Variants in NIPAL2 observed in about 807,000 individuals in gnomAD.
The protein encoded by NIPAL2 is NIPA-like protein 2.
Under a neutral mutation model 48.9 loss-of-function variants are expected in NIPAL2, and 43 were observed. The observed-to-expected ratio is 0.88, with a 90% CI of 0.69 to 1.13. The LOEUF (loss-of-function observed/expected upper bound fraction) is 1.13, where lower values mean the gene tolerates loss of function less well. Ranked by LOEUF, NIPAL2 falls within the 50% of genes most tolerant of loss-of-function variation. The pLI is 0.00. For synonymous variants in NIPAL2, 167 were observed against 174.6 expected, an observed-to-expected ratio of 0.96 and a Z score of 0.34; for missense variants, 446 against 461.4, an observed-to-expected ratio of 0.97 and a Z score of 0.31.
Position 98,272,654 on chromosome 8 carries a change from G to A in NIPAL2, c.136-18567C>T, listed in dbSNP as rs555001652. On this transcript the variant is annotated intron_variant, in intron 1 of 10. Coordinates refer to ENST00000430223, the MANE Select transcript of NIPAL2 (RefSeq NM_001321635.2). ...TTTTGAGACAGAGTCTCACTCTGTC[G>A]CCCAGGTTGGAGTGCAGTGGCACAA... Among the ~76,000 whole-genome samples the A allele has an allele frequency of 1.5e-4, 22 of 147,062 alleles. 1 individual carries two copies. In the Middle Eastern group the frequency reaches 0.017, roughly 117 times the overall value.
intron 1 of NIPAL2, among the ~76,000 whole-genome samples, chr8:98,293,089 A>T (rs1378586030): frequency 6.6e-6 from 1 of 152,246 alleles, no homozygotes; most frequent in Non-Finnish European, 1.5e-5. Flanking sequence ...CTTCAGGCAT[A>T]AAAGGAATCC....
In NIPAL2 at chr8:98,294,091, G is replaced by C; in HGVS notation, c.47C>G (p.Ala16Gly). The C allele has an allele frequency of 6.7e-7, 1 of 1,490,446 alleles. No homozygotes were observed. Among genetic ancestry groups the C allele is most frequent in the South Asian group, 1.3e-5 (1 of 78,154 alleles). 92.3% of individuals were successfully genotyped at this position (1,490,446 alleles called of 1,614,324 possible). The change falls in exon 1 of 11, where the codon GCC (alanine) becomes GGC (glycine). Residue 16 changes from alanine to glycine, a missense_variant. Transcript: ENST00000430223. ...PAGPGDSASA[A>G]LDELSLNFTY... ...GAAATTCAGTGACAGCTCGTCCAGGGCGGCCGAGGCGGAGTCCCCGGGGCC... is the reference window on the plus strand; with the variant it reads ...GAAATTCAGTGACAGCTCGTCCAGGCCGGCCGAGGCGGAGTCCCCGGGGCC...
chr8:98,254,711 A>G (rs886485544), intron 1 of NIPAL2, among the ~76,000 whole-genome samples: 17 of 152,258 alleles, frequency 1.1e-4, no homozygotes, highest in Admixed American at 2.0e-4. Context: ...ATAAACTGCT[A>G]TACCAGCTCA....
rs576913832 is a variant in NIPAL2 at position 98,260,594 on chromosome 8, G to A, written c.136-6507C>T. On this transcript the variant is annotated intron_variant, in intron 1 of 10. Transcript: ENST00000430223. ...ACGGGCTTAAAAAACGGCGCACCAC[G>A]AGATTATATCCTGCACCTGGCTCGG... Among the ~76,000 whole-genome samples, 984 of 152,304 alleles carry A rather than the reference G, an allele frequency of 6.5e-3. 13 individuals carry two copies. Among genetic ancestry groups the A allele is most frequent in the African/African-American group, 0.022 (917 of 41,546 alleles).
chr8:98,221,328 T>A (rs1326547750), intron 5 of NIPAL2, among the ~76,000 whole-genome samples: 2 of 151,400 alleles, frequency 1.3e-5, no homozygotes, highest in Admixed American at 6.6e-5. Context: ...TGTGTGCTCC[T>A]CTCAGACAGT....
chr8:98,284,440 AC>A (rs2015373894), intron 1 of NIPAL2, among the ~76,000 whole-genome samples: 1 of 151,778 alleles, frequency 6.6e-6, no homozygotes, highest in Non-Finnish European at 1.5e-5. Flanking sequence ...ACACACACAC[AC>A]ATACACACAC....
At chr8:98,251,765 C>T (rs1341882220) in intron 3 of NIPAL2, 4 of 152,174 alleles carry the variant, frequency 2.6e-5, no homozygotes, top group Non-Finnish European at 4.4e-5. Context: ...CAATTTGTTT[C>T]TCTTTCAATG....
At chr8:98,279,427 T>C (rs1209476822) in intron 1 of NIPAL2, among the ~76,000 whole-genome samples, 1 of 152,238 alleles carries the variant, frequency 6.6e-6, no homozygotes, top group Non-Finnish European at 1.5e-5. Context: ...TCATTACTTA[T>C]TCAGCACATT....
intron 7 of NIPAL2, among the ~76,000 whole-genome samples, chr8:98,204,263 T>C (rs1431296701): frequency 1.3e-5 from 2 of 152,106 alleles, no homozygotes; most frequent in Non-Finnish European, 2.9e-5. Flanking sequence ...TGACAAAACA[T>C]TGGGTTTTTC....
At chr8:98,264,718 C>T (rs1274677056) in intron 1 of NIPAL2, among the ~76,000 whole-genome samples, 4 of 151,434 alleles carry the variant, frequency 2.6e-5, no homozygotes, top group Admixed American at 6.6e-5. Flanking sequence ...AGGTAATTTA[C>T]AGATTCAATG....
In NIPAL2 at chr8:98,283,144, A is replaced by G. The variant is rs533468517; in HGVS notation, c.135+10859T>C. ...TTCCCATGCAATTAAGAACGATTAC[A>G]TTTGTCTTTTACTAGGGAACACATT... On this transcript the variant is annotated intron_variant, in intron 1 of 10. Coordinates refer to ENST00000430223, the MANE Select transcript of NIPAL2 (RefSeq NM_001321635.2). 8.5e-5 allele frequency among the ~76,000 whole-genome samples: 13 copies of G among 152,342 alleles called. No individual in the cohort carries two copies. In the South Asian group the frequency reaches 2.5e-3, roughly 29 times the overall value.
chr8:98,204,457 GC>G (rs1213928076), intron 7 of NIPAL2, among the ~76,000 whole-genome samples: 1 of 152,106 alleles, frequency 6.6e-6, no homozygotes, highest in Admixed American at 6.6e-5. Flanking sequence ...ACTCAAGAAA[GC>G]CCAGCAGGCA....
chr8:98,210,047 C>A (rs896817738), intron 6 of NIPAL2, among the ~76,000 whole-genome samples: 12 of 151,458 alleles, frequency 7.9e-5, no homozygotes, highest in African/African-American at 2.9e-4. Flanking sequence ...TTCTTTTTTT[C>A]TGATGGAGGA....
rs1563531576 is a variant in NIPAL2 at position 98,259,069 on chromosome 8, C to CTTTTTTTTTTT, written c.136-4983_136-4982insAAAAAAAAAAA. Among the ~76,000 whole-genome samples the CTTTTTTTTTTT allele has an allele frequency of 7.9e-4, 71 of 89,330 alleles. 4 individuals carry two copies. Among genetic ancestry groups the CTTTTTTTTTTT allele is most frequent in the African/African-American group, 2.8e-3 (60 of 21,778 alleles). The allele number at this position is 89,330 out of a possible 152,430, so 58.6% of individuals were successfully genotyped here. ...TTATGCTGCTGTTCCTTTAAATATT[C>CTTTTTTTTTTT]CTTTTTTTTTTTTTTTTTTTTTTTT... On this transcript the variant is annotated intron_variant, in intron 1 of 10. Transcript: ENST00000430223.
intron 3 of NIPAL2, among the ~76,000 whole-genome samples, chr8:98,251,264 C>T (rs1178554604): frequency 6.6e-6 from 1 of 152,044 alleles, no homozygotes; most frequent in Admixed American, 6.6e-5. Flanking sequence ...ACAACATTTT[C>T]AAGACAGCAG....
intron 5 of NIPAL2, among the ~76,000 whole-genome samples, chr8:98,215,868 C>T (rs1811552445): frequency 6.6e-6 from 1 of 152,064 alleles, no homozygotes; most frequent in Non-Finnish European, 1.5e-5. Flanking sequence ...AGACAATTTT[C>T]AATTTGTCAA....
chr8:98,260,166 T>C (rs534870904), intron 1 of NIPAL2, among the ~76,000 whole-genome samples: 6 of 152,264 alleles, frequency 3.9e-5, no homozygotes, highest in African/African-American at 1.2e-4. Flanking sequence ...AAAGGCGCTG[T>C]TCCAAAAGTC....
At chr8:98,250,019 G>T (rs1229127215) in intron 3 of NIPAL2, among the ~76,000 whole-genome samples, 1 of 152,006 alleles carries the variant, frequency 6.6e-6, no homozygotes, top group Non-Finnish European at 1.5e-5. Context: ...TGTCTAAGGA[G>T]AGGGAGGAAG....
At chr8:98,232,811 A>G (rs1247599094) in intron 4 of NIPAL2, among the ~76,000 whole-genome samples, 1 of 152,196 alleles carries the variant, frequency 6.6e-6, no homozygotes, top group Non-Finnish European at 1.5e-5. Context: ...TGTACTAGTT[A>G]TATGACCTTG....
Sources: gnomAD v4.1 joint callset for allele counts (sites outside exome capture counted in the v4.1 genomes callset) on GRCh38, gnomAD v4.1.1 for gene constraint, MANE v1.5 for transcripts, NCBI Gene and HGNC (gene_info 2026-07-23, HGNC 2026-07-21) for gene names.